STXBP4: variants seen among roughly 807,000 people sequenced by gnomAD.
STXBP4 encodes the protein syntaxin binding protein 4.
Under a neutral mutation model 76.1 loss-of-function variants are expected in STXBP4, and 55 were observed. The observed-to-expected ratio is 0.72, with a 90% CI of 0.58 to 0.91. STXBP4 has a LOEUF of 0.91. STXBP4 is among the 40% of genes least tolerant of loss of function. The pLI, the probability that STXBP4 is intolerant of heterozygous loss-of-function variation, is 0.00. For synonymous variants in STXBP4, 201 were observed against 220.2 expected, an observed-to-expected ratio of 0.91 and a Z score of 0.77; for missense variants, 618 against 636.9, an observed-to-expected ratio of 0.97 and a Z score of 0.32.
intron 17 of STXBP4, among the ~76,000 whole-genome samples, chr17:55,150,256 T>C (rs2080200289): frequency 6.6e-6 from 1 of 152,144 alleles, no homozygotes; most frequent in African/African-American, 2.4e-5. Context: ...AGTCCCAAGA[T>C]CAGGGCGCCA....
At chr17:55,057,569 G>A (rs570721945) in intron 12 of STXBP4, among the ~76,000 whole-genome samples, 1 of 152,034 alleles carries the variant, frequency 6.6e-6, no homozygotes, top group Non-Finnish European at 1.5e-5. Flanking sequence ...TTTGAGTTCT[G>A]GGATACATGT....
rs747639360 is a variant in STXBP4 at position 55,141,334 on chromosome 17, C to T, written c.1514C>T (p.Ala505Val). ...MDCLPYGWEEAYTADGIKYFI... is the reference protein window; with the variant it reads ...MDCLPYGWEEVYTADGIKYFI... ...GGTTTACCTTATGGGTGGGAGGAAG[C>T]TTACACAGCAGATGGAATCAAGTAC... is the stretch of plus-strand genomic sequence containing the variant. The change falls in exon 17 of 18, where the codon GCT becomes GTT. Residue 505 changes from alanine to valine, a missense_variant. Transcript: ENST00000376352. 5.6e-6 allele frequency: 9 copies of T among 1,611,924 alleles called. No homozygotes were observed. Among genetic ancestry groups the T allele is most frequent in the Non-Finnish European group, 7.6e-6 (9 of 1,178,956 alleles).
At position 55,031,275 on chromosome 17, in the gene STXBP4, G is replaced by T. The variant is rs778560967; in HGVS notation, c.763+11G>T. 1 of 1,578,656 alleles carries T rather than the reference G, an allele frequency of 6.3e-7. No individual in the cohort carries two copies. Among genetic ancestry groups the T allele is most frequent in the South Asian group, 1.1e-5 (1 of 89,970 alleles). ...CAGTGTCTTTTGGAGGTAATATTAG[G>T]TTTATTGTGTTGTATTATCACTGAA... On this transcript the variant is annotated intron_variant, in intron 9 of 17. Transcript: ENST00000376352.
At chr17:54,977,415 T>A (rs909192863) in intron 1 of STXBP4, among the ~76,000 whole-genome samples, 1 of 152,154 alleles carries the variant, frequency 6.6e-6, no homozygotes, top group Non-Finnish European at 1.5e-5. Flanking sequence ...GCATAACATA[T>A]TTACATTGTG....
intron 15 of STXBP4, 98 bp downstream of exon 15, chr17:55,078,833 T>C (rs1052990499): frequency 1.7e-5 from 12 of 723,988 alleles, no homozygotes; most frequent in Non-Finnish European, 1.2e-5. Context: ...TAAATAGTCC[T>C]AAGGTGCTAC....
At position 55,097,438 on chromosome 17, in the gene STXBP4, C is replaced by T. The variant is rs376916404; in HGVS notation, c.1489+16255C>T. Reference sequence around the variant, plus strand: ...CAGCACTTTGGGGGGCCAAGGCGGGCGGATCACGAGGTCAGGAGATCGAGA... The same window carrying T: ...CAGCACTTTGGGGGGCCAAGGCGGGTGGATCACGAGGTCAGGAGATCGAGA... On this transcript the variant is annotated intron_variant, in intron 16 of 17. Coordinates refer to ENST00000376352, the MANE Select transcript of STXBP4 (RefSeq NM_178509.6). 4.0e-4 allele frequency among the ~76,000 whole-genome samples: 61 copies of T among 152,110 alleles called. 1 individual carries two copies. Among genetic ancestry groups the T allele is most frequent in the East Asian group, 9.7e-4 (5 of 5,164 alleles).
At chr17:54,990,355 A>T (rs2077695132) in intron 3 of STXBP4, among the ~76,000 whole-genome samples, 1 of 152,108 alleles carries the variant, frequency 6.6e-6, no homozygotes, top group Admixed American at 6.5e-5. Flanking sequence ...CTCCTGTCAG[A>T]TCAATGGCGG....
At chr17:55,117,141 G>T (rs760881490) in intron 16 of STXBP4, among the ~76,000 whole-genome samples, 5 of 151,636 alleles carry the variant, frequency 3.3e-5, no homozygotes, top group Non-Finnish European at 7.4e-5. Flanking sequence ...GAAATTCTTG[G>T]TAGGCAAAAA....
At chr17:55,152,833 T>C (rs934478837) in intron 17 of STXBP4, among the ~76,000 whole-genome samples, 1 of 152,132 alleles carries the variant, frequency 6.6e-6, no homozygotes, top group Non-Finnish European at 1.5e-5. Flanking sequence ...TACTTTAAAA[T>C]ATATATATAA....
At position 54,976,141 on chromosome 17, in the gene STXBP4, A is replaced by C. The variant is rs530227879; in HGVS notation, c.-157+7326A>C. On this transcript the variant is annotated intron_variant, in intron 1 of 17. Coordinates refer to ENST00000376352, the MANE Select transcript of STXBP4 (RefSeq NM_178509.6). Reference sequence around the variant, plus strand: ...ACTGAGTTAAAAATTTGGTGGATGAATGCATGAATGAAAGCAAACAGAAGG... The same window carrying C: ...ACTGAGTTAAAAATTTGGTGGATGACTGCATGAATGAAAGCAAACAGAAGG... Among the ~76,000 whole-genome samples, 8 of 152,322 alleles carry C rather than the reference A, an allele frequency of 5.3e-5. No homozygotes were observed. In the South Asian group the frequency reaches 1.4e-3, roughly 28 times the overall value.
At chr17:55,068,168 T>C (rs2079075942) in intron 12 of STXBP4, among the ~76,000 whole-genome samples, 1 of 152,158 alleles carries the variant, frequency 6.6e-6, no homozygotes, top group Non-Finnish European at 1.5e-5. Context: ...CAGTAACCCT[T>C]AATTTTTTTC....
In STXBP4 at chr17:55,073,085, A is replaced by G. The variant is rs1221908971; in HGVS notation, c.1188+9A>G. 4 of 1,611,750 alleles carry G rather than the reference A, an allele frequency of 2.5e-6. No homozygotes were observed. The highest frequency in any genetic ancestry group is 2.5e-6 in the Non-Finnish European group (3 of 1,179,198). On this transcript the variant is annotated intron_variant, in intron 13 of 17. Coordinates refer to ENST00000376352, the MANE Select transcript of STXBP4 (RefSeq NM_178509.6). ...ATTCTGACCAAAATAAAGTAAGCAAAGCAGTCATCTCTTCCAGTTACCATG... is the reference window on the plus strand; with the variant it reads ...ATTCTGACCAAAATAAAGTAAGCAAGGCAGTCATCTCTTCCAGTTACCATG...
intron 1 of STXBP4, among the ~76,000 whole-genome samples, chr17:54,976,827 T>C (rs1032566258): frequency 4.6e-5 from 7 of 152,102 alleles, no homozygotes; most frequent in African/African-American, 1.7e-4. Flanking sequence ...CACACCCCCA[T>C]GCGTGGAAAA....
At chr17:54,995,903 G>T (rs1166930726) in intron 4 of STXBP4, among the ~76,000 whole-genome samples, 1 of 152,094 alleles carries the variant, frequency 6.6e-6, no homozygotes, top group Non-Finnish European at 1.5e-5. Flanking sequence ...TGTGTACCTA[G>T]CACTGTACCA....
intron 5 of STXBP4, 74 bp from the exon 6 acceptor site, chr17:54,999,558 C>T (rs2077872978): frequency 6.8e-7 from 1 of 1,474,474 alleles, no homozygotes; most frequent in African/African-American, 1.4e-5. Context: ...TTAATAACAT[C>T]TGAAACATTA....
intron 16 of STXBP4, among the ~76,000 whole-genome samples, chr17:55,092,034 T>G (rs1396227543): frequency 6.6e-6 from 1 of 152,230 alleles, no homozygotes; most frequent in Non-Finnish European, 1.5e-5. Context: ...ATGTTACCAT[T>G]ATTCTAACGG....
At chr17:54,977,865 G>A (rs1329142363) in intron 1 of STXBP4, among the ~76,000 whole-genome samples, 2 of 152,138 alleles carry the variant, frequency 1.3e-5, no homozygotes, top group East Asian at 3.8e-4. Context: ...TTTAATATTA[G>A]CTTTAGTGAA....
chr17:55,053,653 C>T (rs1304323115), intron 12 of STXBP4, among the ~76,000 whole-genome samples: 10 of 152,006 alleles, frequency 6.6e-5, no homozygotes, highest in Admixed American at 3.3e-4. Context: ...CCTCTATTTT[C>T]GGGCCAATTT....
intron 12 of STXBP4, among the ~76,000 whole-genome samples, chr17:55,062,973 G>A (rs1402304955): frequency 5.3e-5 from 8 of 152,206 alleles, no homozygotes. Context: ...TCTGGTTGAA[G>A]AAACTTATTA....
Sources: gnomAD v4.1 joint callset for allele counts (sites outside exome capture counted in the v4.1 genomes callset) on GRCh38, gnomAD v4.1.1 for gene constraint, MANE v1.5 for transcripts, NCBI Gene and HGNC (gene_info 2026-07-23, HGNC 2026-07-21) for gene names.